XKR6: variants seen among roughly 807,000 people sequenced by gnomAD.
The protein encoded by XKR6 is XK-related protein 6.
A neutral mutation model predicts 56.7 loss-of-function variants in XKR6; 22 were observed. That is an observed-to-expected ratio of 0.39 (90% CI 0.28 to 0.55). The LOEUF is 0.55. XKR6 is among the 20% of genes least tolerant of loss of function. The probability of loss-of-function intolerance (pLI) is 0.66; values close to 1 mark genes in which losing one functional copy is unlikely to be tolerated. For missense variants in XKR6, 852 were observed against 889.0 expected, an observed-to-expected ratio of 0.96 and a Z score of 0.53; for synonymous variants, 524 against 387.8, an observed-to-expected ratio of 1.35 and a Z score of -4.13.
intron 1 of XKR6, among the ~76,000 whole-genome samples, chr8:11,086,681 G>T (rs1468960112): frequency 6.6e-6 from 1 of 152,214 alleles, no homozygotes; most frequent in East Asian, 1.9e-4. Context: ...ACCCCCAGCA[G>T]CGGGAGGAAT....
At chr8:10,980,360 C>G (rs1272271019) in intron 1 of XKR6, among the ~76,000 whole-genome samples, 3 of 152,166 alleles carry the variant, frequency 2.0e-5, no homozygotes, top group Non-Finnish European at 4.4e-5. Context: ...ATGTCCACAC[C>G]AGATCCCATG....
chr8:11,018,481 T>G (rs1158919755), intron 1 of XKR6, among the ~76,000 whole-genome samples: 1 of 152,132 alleles, frequency 6.6e-6, no homozygotes, highest in East Asian at 1.9e-4. Context: ...AGGCTAGCAC[T>G]TCCCTCCATA....
intron 1 of XKR6, among the ~76,000 whole-genome samples, chr8:10,970,325 A>G (rs1802367828): frequency 6.6e-6 from 1 of 152,142 alleles, no homozygotes. Context: ...CTGCATCATC[A>G]CCTGTCCAAT....
chr8:11,024,646 T>C (rs1283619176), intron 1 of XKR6, among the ~76,000 whole-genome samples: 7 of 152,166 alleles, frequency 4.6e-5, no homozygotes, highest in Non-Finnish European at 1.0e-4. Context: ...CGAATCACCC[T>C]GACTATTTTG....
chr8:11,099,792 G>A (rs1352064225), intron 1 of XKR6, among the ~76,000 whole-genome samples: 1 of 152,166 alleles, frequency 6.6e-6, no homozygotes, highest in African/African-American at 2.4e-5. Flanking sequence ...ACTATAATGT[G>A]AGGTCATGAT....
chr8:11,131,396 G>T (rs970694573), intron 1 of XKR6, among the ~76,000 whole-genome samples: 1 of 152,024 alleles, frequency 6.6e-6, no homozygotes, highest in African/African-American at 2.4e-5. Flanking sequence ...AACATAGAAG[G>T]CATGATGAAA....
chr8:10,922,476 G>A (rs570540064), intron 2 of XKR6, among the ~76,000 whole-genome samples: 1 of 152,172 alleles, frequency 6.6e-6, no homozygotes, highest in Non-Finnish European at 1.5e-5. Context: ...CTCCTTTATG[G>A]GTAGGTTTCT....
intron 1 of XKR6, among the ~76,000 whole-genome samples, chr8:11,156,649 A>G (rs1345821154): frequency 2.0e-5 from 3 of 152,202 alleles, no homozygotes; most frequent in Non-Finnish European, 4.4e-5. Context: ...GTAGACACCC[A>G]TTATCTATTC....
chr8:11,015,613 G>A (rs1419091205), intron 1 of XKR6, among the ~76,000 whole-genome samples: 1 of 152,152 alleles, frequency 6.6e-6, no homozygotes, highest in Non-Finnish European at 1.5e-5. Flanking sequence ...GGGCTTCTCC[G>A]GCCTCAGGCA....
intron 1 of XKR6, among the ~76,000 whole-genome samples, chr8:11,068,375 C>T (rs1586502138): frequency 6.6e-6 from 1 of 152,182 alleles, no homozygotes; most frequent in African/African-American, 2.4e-5. Flanking sequence ...GAGCAATGGT[C>T]CCCTCCATGA....
At chr8:10,942,365 G>A (rs1365667234) in intron 1 of XKR6, among the ~76,000 whole-genome samples, 2 of 152,286 alleles carry the variant, frequency 1.3e-5, no homozygotes, top group Admixed American at 1.3e-4. Context: ...ATACAGATAC[G>A]TGTGGACACA....
At chr8:11,156,516 T>G (rs548704483) in intron 1 of XKR6, among the ~76,000 whole-genome samples, 9 of 152,330 alleles carry the variant, frequency 5.9e-5, no homozygotes, top group Non-Finnish European at 1.2e-4. Context: ...CAGGCAGTAT[T>G]TTGTGTATCT....
At chr8:10,974,332 C>T (rs1368344871) in intron 1 of XKR6, among the ~76,000 whole-genome samples, 1 of 152,194 alleles carries the variant, frequency 6.6e-6, no homozygotes, top group African/African-American at 2.4e-5. Context: ...GTGAAGAGCA[C>T]CTTGGCCACA....
chr8:11,063,698 G>A (rs960910653), intron 1 of XKR6, among the ~76,000 whole-genome samples: 14 of 152,162 alleles, frequency 9.2e-5, no homozygotes, highest in African/African-American at 2.7e-4. Context: ...AGAGGCCGAT[G>A]CCAGGAACAT....
intron 1 of XKR6, among the ~76,000 whole-genome samples, chr8:10,998,379 C>G (rs1798163637): frequency 6.6e-6 from 1 of 152,190 alleles, no homozygotes; most frequent in African/African-American, 2.4e-5. Flanking sequence ...TACTAGTGAC[C>G]TGCAAGCCCT....
At chr8:10,992,389 C>G (rs917686432) in intron 1 of XKR6, among the ~76,000 whole-genome samples, 1 of 152,156 alleles carries the variant, frequency 6.6e-6, no homozygotes, top group Non-Finnish European at 1.5e-5. Flanking sequence ...ATCCCTCTGA[C>G]TGTGCCAGAT....
At chr8:11,180,483 T>G (rs549233133) in intron 1 of XKR6, among the ~76,000 whole-genome samples, 4 of 152,200 alleles carry the variant, frequency 2.6e-5, no homozygotes, top group African/African-American at 9.7e-5. Context: ...TCCCTAGACA[T>G]GCCACATACC....
intron 1 of XKR6, among the ~76,000 whole-genome samples, chr8:10,948,598 G>C (rs1486281532): frequency 1.3e-5 from 2 of 152,116 alleles, no homozygotes; most frequent in African/African-American, 4.8e-5. Flanking sequence ...TACCCTACAG[G>C]ACATGGTCTA....
chr8:11,043,755 T>G (rs1799342172), intron 1 of XKR6, among the ~76,000 whole-genome samples: 1 of 152,252 alleles, frequency 6.6e-6, no homozygotes, highest in Admixed American at 6.5e-5. Context: ...GACAGGAGGT[T>G]GGATGCACCT....
Sources: allele counts gnomAD v4.1 joint callset (sites outside exome capture counted in the v4.1 genomes callset), GRCh38; gene constraint gnomAD v4.1.1; transcripts MANE v1.5; gene names NCBI Gene and HGNC (gene_info 2026-07-23, HGNC 2026-07-21).